The following AKT3 variants were observed in gnomAD, a reference collection of about 807,000 sequenced individuals.
The protein encoded by AKT3 is AKT serine/threonine kinase 3, also known as RAC-gamma serine/threonine-protein kinase.
Under a neutral mutation model 65.3 loss-of-function variants are expected in AKT3, and 15 were observed. The observed-to-expected ratio is 0.23, with a 90% CI of 0.15 to 0.35. The LOEUF (loss-of-function observed/expected upper bound fraction) is 0.35. AKT3 is among the 10% of genes least tolerant of loss of function. The pLI is 1.00. For missense variants in AKT3, 243 were observed against 576.5 expected, an observed-to-expected ratio of 0.42 and a Z score of 5.92; for synonymous variants, 206 against 183.8, an observed-to-expected ratio of 1.12 and a Z score of -0.98.
intron 2 of AKT3, among the ~76,000 whole-genome samples, chr1:243,720,191 C>G (rs761589865): frequency 6.6e-6 from 1 of 151,782 alleles, no homozygotes; most frequent in East Asian, 1.9e-4. Flanking sequence ...CCCAGCAACT[C>G]GGGAGGCTGA....
At chr1:243,718,065 G>C (rs1285852162) in intron 2 of AKT3, among the ~76,000 whole-genome samples, 1 of 152,184 alleles carries the variant, frequency 6.6e-6, no homozygotes. Flanking sequence ...TTTTACATTG[G>C]ATGCTATGCA....
chr1:243,576,890 T>C (rs1394787708), intron 8 of AKT3, among the ~76,000 whole-genome samples: 2 of 152,154 alleles, frequency 1.3e-5, no homozygotes, highest in African/African-American at 2.4e-5. Flanking sequence ...AAAATTCACA[T>C]GGGACCAAAA....
At chr1:243,630,781 T>G (rs1484909654) in intron 6 of AKT3, among the ~76,000 whole-genome samples, 1 of 151,648 alleles carries the variant, frequency 6.6e-6, no homozygotes, top group African/African-American at 2.4e-5. Context: ...TACTTAAGTC[T>G]TCGGTGCTTT....
At chr1:243,843,500 A>G in intron 1 of AKT3, 1 of 1,080,348 alleles carries the variant, frequency 9.3e-7, no homozygotes, top group Non-Finnish European at 1.1e-6. Context: ...TTTTAACCTA[A>G]GAGGTTGCAA....
At chr1:243,711,153 T>C (rs929429385) in intron 2 of AKT3, among the ~76,000 whole-genome samples, 1 of 152,126 alleles carries the variant, frequency 6.6e-6, no homozygotes, top group Non-Finnish European at 1.5e-5. Flanking sequence ...ACCCCGTCTC[T>C]ACTAAAAATA....
intron 2 of AKT3, among the ~76,000 whole-genome samples, chr1:243,700,396 T>C (rs530702465): frequency 1.3e-4 from 20 of 152,194 alleles, no homozygotes; most frequent in Non-Finnish European, 1.5e-4. Context: ...TTCCCTGTAG[T>C]TAAAACAAAC....
At chr1:243,546,529 G>A (rs1672688449) in intron 11 of AKT3, 1 of 152,038 alleles carries the variant, frequency 6.6e-6, no homozygotes. Flanking sequence ...TATTAGAAAT[G>A]ATATGTGCTG....
At chr1:243,514,058 T>C (rs758574806) in intron 12 of AKT3, among the ~76,000 whole-genome samples, 1 of 152,198 alleles carries the variant, frequency 6.6e-6, no homozygotes, top group Non-Finnish European at 1.5e-5. Context: ...TGCCCCTATC[T>C]GGCAGAAAAC....
At chr1:243,786,471 G>T (rs1030150335) in intron 2 of AKT3, among the ~76,000 whole-genome samples, 2 of 152,152 alleles carry the variant, frequency 1.3e-5, no homozygotes, top group Non-Finnish European at 2.9e-5. Context: ...GTTCCTAGCT[G>T]TGCAGCCCCA....
chr1:243,657,535 C>A (rs1000743846), intron 4 of AKT3, among the ~76,000 whole-genome samples: 2 of 151,986 alleles, frequency 1.3e-5, no homozygotes, highest in Admixed American at 1.3e-4. Context: ...TGTTCATGCA[C>A]TGAAAGGTTT....
At chr1:243,841,034 T>A (rs568829733) in intron 2 of AKT3, among the ~76,000 whole-genome samples, 1 of 152,258 alleles carries the variant, frequency 6.6e-6, no homozygotes, top group East Asian at 1.9e-4. Flanking sequence ...TTTCATTTTA[T>A]ACCTTTGTGT....
intron 2 of AKT3, among the ~76,000 whole-genome samples, chr1:243,732,634 C>A (rs972293310): frequency 1.3e-5 from 2 of 152,102 alleles, no homozygotes; most frequent in African/African-American, 4.8e-5. Context: ...AACAAACAAC[C>A]AGCACTCTCA....
chr1:243,795,573 G>A (rs1424928690), intron 2 of AKT3, among the ~76,000 whole-genome samples: 3 of 139,642 alleles, frequency 2.1e-5, no homozygotes, highest in Non-Finnish European at 4.6e-5. Flanking sequence ...CCGGGTTCAC[G>A]CCATTCTCCT....
intron 2 of AKT3, among the ~76,000 whole-genome samples, chr1:243,759,221 G>A (rs1689337040): frequency 1.3e-5 from 2 of 152,100 alleles, no homozygotes; most frequent in African/African-American, 4.8e-5. Context: ...AAACTGAGGT[G>A]GGAGGAGAGC....
chr1:243,672,207 A>ACGGGAGGCGGT (rs1395612601), intron 3 of AKT3, among the ~76,000 whole-genome samples: 1 of 152,174 alleles, frequency 6.6e-6, no homozygotes, highest in African/African-American at 2.4e-5. Context: ...GGTAGGAGTA[A>ACGGGAGGCGGT]CGGGAGGCGG....
Position 243,505,161 on chromosome 1 carries a change from T to C in AKT3, c.*88A>G. 4.0e-6 allele frequency: 5 copies of C among 1,256,600 alleles called. No individual in the cohort carries two copies. The highest frequency in any genetic ancestry group is 5.7e-6 in the Non-Finnish European group (5 of 870,462). The allele number at this position is 1,256,600 out of a possible 1,614,324, so 77.8% of individuals were successfully genotyped here. On this transcript the variant is annotated 3_prime_UTR_variant, in exon 14 of 14. Coordinates refer to ENST00000673466, the MANE Select transcript of AKT3 (RefSeq NM_005465.7). ...CTGGGATGTCGGAAGGTGCCCCTGC[T>C]ATGTGTAAGAGCTAGGACTGGTGAT...
chr1:243,662,977 C>A (rs944847288), intron 4 of AKT3, among the ~76,000 whole-genome samples: 13 of 152,090 alleles, frequency 8.5e-5, no homozygotes, highest in Non-Finnish European at 1.3e-4. Flanking sequence ...ACACAAATGG[C>A]AAAATGAATT....
At chr1:243,549,709 G>C (rs1295119698) in intron 11 of AKT3, among the ~76,000 whole-genome samples, 1 of 152,072 alleles carries the variant, frequency 6.6e-6, no homozygotes, top group Non-Finnish European at 1.5e-5. Context: ...ACAGGTGTGA[G>C]CCACTGTGCC....
At chr1:243,595,900 A>G (rs1397903530) in intron 8 of AKT3, among the ~76,000 whole-genome samples, 2 of 152,212 alleles carry the variant, frequency 1.3e-5, no homozygotes, top group Non-Finnish European at 2.9e-5. Context: ...TAAAATAAAG[A>G]AGTAACACAG....
Sources: gnomAD v4.1 joint callset for allele counts (sites outside exome capture counted in the v4.1 genomes callset) on GRCh38, gnomAD v4.1.1 for gene constraint, MANE v1.5 for transcripts, NCBI Gene and HGNC (gene_info 2026-07-23, HGNC 2026-07-21) for gene names.